TP53BP1: variants seen among roughly 807,000 people sequenced by gnomAD.
The protein encoded by TP53BP1 is tumor protein p53 binding protein 1, also known as TP53-binding protein 1.
TP53BP1 carries 61 observed loss-of-function variants against 200.8 expected under a neutral mutation model. The ratio of observed to expected loss-of-function variants is 0.30; its 90% CI spans 0.25 to 0.38. The LOEUF is 0.38. Ranked by LOEUF, TP53BP1 falls within the 10% of genes least tolerant of loss-of-function variation. The pLI is 1.00. For missense variants in TP53BP1, 2,144 were observed against 2,371.9 expected (o/e 0.90, Z 2.00); for synonymous variants, 822 against 844.3 (o/e 0.97, Z 0.46).
At chr15:43,473,697 T>G (rs556480489) in intron 10 of TP53BP1, among the ~76,000 whole-genome samples, 26 of 152,014 alleles carry the variant, frequency 1.7e-4, no homozygotes, top group African/African-American at 5.8e-4. Flanking sequence ...CTGACTGGTG[T>G]GTTTACAAAC....
At chr15:43,476,818 G>A (rs2078889646) in intron 8 of TP53BP1, among the ~76,000 whole-genome samples, 1 of 152,210 alleles carries the variant, frequency 6.6e-6, no homozygotes, top group Non-Finnish European at 1.5e-5. Flanking sequence ...TGAAAGATTG[G>A]TGGAGGTTAA....
Position 43,404,018 on chromosome 15 carries a change from T to G in TP53BP1, c.*3365A>C. On this transcript the variant is annotated 3_prime_UTR_variant, in exon 28 of 28. Coordinates refer to ENST00000382044, the MANE Select transcript of TP53BP1 (RefSeq NM_001141980.3). Reference sequence around the variant, plus strand: ...CAAAAATAGTTCAGTCCTGAATAGTTTATTCAGCCCATCAAATAAGCATTG... The same window carrying G: ...CAAAAATAGTTCAGTCCTGAATAGTGTATTCAGCCCATCAAATAAGCATTG... 1 of 564,040 alleles carries G rather than the reference T, an allele frequency of 1.8e-6. No individual in the cohort carries two copies. Among genetic ancestry groups the G allele is most frequent in the Non-Finnish European group, 3.2e-6 (1 of 316,788 alleles). 34.9% of individuals were successfully genotyped at this position (564,040 alleles called of 1,614,324 possible).
chr15:43,405,365 C>A lies in TP53BP1; in HGVS notation c.*2018G>T. On this transcript the variant is annotated 3_prime_UTR_variant, in exon 28 of 28. Coordinates refer to ENST00000382044, the MANE Select transcript of TP53BP1 (RefSeq NM_001141980.3). ...CTCCTAGAAGCAGTTACTGAACATC[C>A]AGGAGTACAACTCCTTCCCATCATT... 1.2e-6 allele frequency: 1 copy of A among 823,858 alleles called. No individual in the cohort carries two copies. The highest frequency in any genetic ancestry group is 2.0e-6 in the Non-Finnish European group (1 of 507,840). The allele number at this position is 823,858 out of a possible 1,614,324, so 51.0% of individuals were successfully genotyped here. A position where few individuals can be genotyped will look rare whatever the true frequency, so the allele number is the denominator to read the frequency against.
chr15:43,409,047 G>A lies in TP53BP1; in HGVS notation c.5450C>T (p.Thr1817Ile). 6.2e-7 allele frequency: 1 copy of A among 1,614,180 alleles called. No individual in the cohort carries two copies. The highest frequency in any genetic ancestry group is 8.5e-7 in the Non-Finnish European group (1 of 1,180,026). The change falls in exon 26 of 28, where the codon ACC becomes ATC. Residue 1817 changes from threonine (T) to isoleucine (I), a missense_variant. Thr to Ile is a moderately conservative substitution (Grantham distance 89). Transcript: ENST00000382044. ...GGCAAGGCACAGGAAGTACTTCCGG[G>A]TTCGACAATGCTGATCCGCAATTAG... is the stretch of plus-strand genomic sequence containing the variant. ...CLLIADQHCR[T>I]RKYFLCLASG... is the part of the protein sequence containing the mutation.
Position 43,421,221 on chromosome 15 carries a change from T to C in TP53BP1, c.4101-47A>G, listed in dbSNP as rs373152970. The C allele has an allele frequency of 6.3e-6, 10 of 1,599,142 alleles. No individual in the cohort carries two copies. The African/African-American group carries it at 1.3e-4, about 21-fold the overall frequency. ...GTCTGATAGCACCTGCTACTGAATC[T>C]TTTCTTCACAAAGTCTCCCCTTGGC... On this transcript the variant is annotated intron_variant, in intron 19 of 27. Coordinates refer to ENST00000382044, the MANE Select transcript of TP53BP1 (RefSeq NM_001141980.3).
At chr15:43,451,741 A>G (rs899911482) in intron 12 of TP53BP1, among the ~76,000 whole-genome samples, 19 of 152,184 alleles carry the variant, frequency 1.2e-4, no homozygotes, top group Non-Finnish European at 2.6e-4. Context: ...CTAGTTCTAG[A>G]TCCCTGAGGA....
At chr15:43,413,373 A>G in intron 23 of TP53BP1, 39 bp from the exon 24 acceptor site, 1 of 1,564,274 alleles carries the variant, frequency 6.4e-7, no homozygotes, top group Non-Finnish European at 8.7e-7. Flanking sequence ...AGGGATACAC[A>G]CCATTGCCTC....
Position 43,404,490 on chromosome 15 carries a change from T to C in TP53BP1, c.*2893A>G, listed in dbSNP as rs376299947. 13 of 1,614,066 alleles carry C rather than the reference T, an allele frequency of 8.1e-6. No homozygotes were observed. The highest frequency in any genetic ancestry group is 2.2e-5 in the East Asian group (1 of 44,892). On this transcript the variant is annotated 3_prime_UTR_variant, in exon 28 of 28. Transcript: ENST00000382044. ...ATCATCAGATCAACTCAGATTTGGC[T>C]CAACTACTGTTACGACTAGATTATA...
chr15:43,470,119 C>T, intron 10 of TP53BP1, 53 bp from the exon 11 acceptor site: 6 of 1,444,190 alleles, frequency 4.2e-6, no homozygotes, highest in Non-Finnish European at 4.8e-6. Context: ...CAATATTACT[C>T]ATGTTCCAAA....
At chr15:43,437,591 G>T (rs1481716034) in intron 16 of TP53BP1, among the ~76,000 whole-genome samples, 1 of 152,006 alleles carries the variant, frequency 6.6e-6, no homozygotes, top group Non-Finnish European at 1.5e-5. Flanking sequence ...CTCCAGCCTG[G>T]GTGACAGAGT....
At chr15:43,409,294 C>T (rs2045033458) in intron 25 of TP53BP1, 198 bp from the exon 26 acceptor site, 6 of 605,802 alleles carry the variant, frequency 9.9e-6, no homozygotes, top group Non-Finnish European at 1.7e-5. Context: ...TCTGCCTCAC[C>T]TGCAGCATAC....
intron 1 of TP53BP1, among the ~76,000 whole-genome samples, chr15:43,507,112 GGTTT>G (rs1298563452): frequency 2.0e-4 from 30 of 151,944 alleles, no homozygotes; most frequent in African/African-American, 6.5e-4. Flanking sequence ...ATCTTCCATT[GGTTT>G]GTTTGTGCAT....
chr15:43,444,556 G>A (rs772436265), intron 14 of TP53BP1, among the ~76,000 whole-genome samples: 3 of 152,054 alleles, frequency 2.0e-5, no homozygotes, highest in African/African-American at 7.2e-5. Flanking sequence ...TTTGTATCCC[G>A]GCTACTCCAT....
rs1306474899 is a variant in TP53BP1 at position 43,420,725 on chromosome 15, C to T, written c.4261G>A (p.Val1421Met). The T allele has an allele frequency of 5.0e-6, 8 of 1,612,938 alleles. No individual in the cohort carries two copies. Among genetic ancestry groups the T allele is most frequent in the Non-Finnish European group, 6.8e-6 (8 of 1,179,368 alleles). The change falls in exon 21 of 28, where the codon GTG becomes ATG. Residue 1421 changes from valine to methionine, a missense_variant. Physicochemically the swap from Val to Met is conservative, Grantham distance 21. Around this residue, in one of 4 missense-constraint regions of TP53BP1, gnomAD observed 1,700 missense variants for 1,710.3 expected, o/e 0.99. Transcript: ENST00000382044. ...SRTTGTRETA[V>M]PGPLGIEDIS... is the part of the protein sequence containing the mutation. ...TCCTCTATGCCCAAGGGGCCAGGCA[C>T]AGCTGTTTCTCTAAAGAGAGATAGG...
Position 43,486,348 on chromosome 15 carries a change from C to T in TP53BP1, c.371+5321G>A, listed in dbSNP as rs189086141. Among the ~76,000 whole-genome samples the T allele has an allele frequency of 6.2e-3, 947 of 152,274 alleles. 10 individuals carry two copies. The highest frequency in any genetic ancestry group is 0.022 in the African/African-American group (897 of 41,542). ...CCAAGATCATGCCATTGCACTCTGCCTGGGCAACAAGAGCGAAACTCGGTC... is the reference window on the plus strand; with the variant it reads ...CCAAGATCATGCCATTGCACTCTGCTTGGGCAACAAGAGCGAAACTCGGTC... On this transcript the variant is annotated intron_variant, in intron 4 of 27. Transcript: ENST00000382044.
intron 1 of TP53BP1, among the ~76,000 whole-genome samples, chr15:43,507,012 A>G (rs1047894481): frequency 6.6e-6 from 1 of 152,248 alleles, no homozygotes; most frequent in Non-Finnish European, 1.5e-5. Context: ...AAACCCAAGA[A>G]GATTTGTGCA....
chr15:43,499,285 G>A (rs969678537), intron 1 of TP53BP1, among the ~76,000 whole-genome samples: 17 of 152,068 alleles, frequency 1.1e-4, no homozygotes, highest in African/African-American at 3.9e-4. Context: ...AGGGGGAGGA[G>A]GATGAGAATC....
chr15:43,489,468 T>G (rs116011401), intron 4 of TP53BP1, among the ~76,000 whole-genome samples: 2,207 of 152,164 alleles, frequency 0.015, 60 homozygotes, highest in African/African-American at 0.051. Flanking sequence ...CCCACAGAAA[T>G]CAAAGCAAGA....
chr15:43,477,829 G>T, intron 7 of TP53BP1, 70 bp from the exon 8 acceptor site: 3 of 1,225,032 alleles, frequency 2.4e-6, no homozygotes, highest in Non-Finnish European at 3.3e-6. Flanking sequence ...AGCTTTTCCT[G>T]TTTTGTGTGT....
Sources: allele counts gnomAD v4.1 joint callset (sites outside exome capture counted in the v4.1 genomes callset), GRCh38; gene constraint gnomAD v4.1.1; regional missense constraint gnomAD v4.1.1; transcripts MANE v1.5; gene names NCBI Gene and HGNC (gene_info 2026-07-23, HGNC 2026-07-21).